ADGRV1: variants seen among roughly 807,000 people sequenced by gnomAD.
ADGRV1 encodes adhesion G protein-coupled receptor V1.
ADGRV1 carries 359 observed loss-of-function variants against 596.2 expected under a neutral mutation model. The observed-to-expected ratio is 0.60, with a 90% confidence interval of 0.55 to 0.66. The LOEUF is 0.66. ADGRV1 is among the 30% of genes least tolerant of loss of function. The pLI, the probability that ADGRV1 is intolerant of heterozygous loss-of-function variation, is 0.00. For synonymous variants in ADGRV1, 2,681 were observed against 2,679.2 expected, an observed-to-expected ratio of 1.00 and a Z score of -0.02; for missense variants, 7,274 against 7,575.6, an observed-to-expected ratio of 0.96 and a Z score of 1.48.
chr5:90,616,736 C>G (rs1763416020), intron 2 of ADGRV1, among the ~76,000 whole-genome samples: 1 of 152,154 alleles, frequency 6.6e-6, no homozygotes, highest in African/African-American at 2.4e-5. Context: ...AAACATTAAT[C>G]TTTTCTTTGT....
intron 1 of ADGRV1, among the ~76,000 whole-genome samples, chr5:90,595,611 G>A (rs1249866839): frequency 7.7e-6 from 1 of 130,574 alleles, no homozygotes; most frequent in East Asian, 2.4e-4. Context: ...CCGGGCGGGG[G>A]GCTGACCCCC....
rs1162525847 is a variant in ADGRV1, at chr5:90,753,647, C to T, written c.11195C>T (p.Ser3732Leu). ...CTTGCTGATAATATACCAGAGTTATCAGAGGTTGTGATTGTAACCCTCACC... is the reference window on the plus strand; with the variant it reads ...CTTGCTGATAATATACCAGAGTTATTAGAGGTTGTGATTGTAACCCTCACC... Reference protein sequence around the residue: ...TILADNIPELSEVVIVTLTRI... With the variant: ...TILADNIPELLEVVIVTLTRI... The change falls in exon 54 of 90, where the codon TCA (serine) becomes TTA (leucine). Residue 3732 changes from serine (S) to leucine (L), a missense_variant. Ser to Leu is a moderately radical substitution (Grantham distance 145). This residue lies in a region of ADGRV1 where 3,643 missense variants were observed against 3,809.2 expected (regional missense o/e 0.96). Coordinates refer to ENST00000405460, the MANE Select transcript of ADGRV1 (RefSeq NM_032119.4). 4 of 1,613,388 alleles carry T rather than the reference C, an allele frequency of 2.5e-6. No homozygotes were observed. Among genetic ancestry groups the T allele is most frequent in the Non-Finnish European group, 3.4e-6 (4 of 1,179,462 alleles).
intron 25 of ADGRV1, among the ~76,000 whole-genome samples, chr5:90,678,749 A>G (rs1194012245): frequency 6.6e-6 from 1 of 151,458 alleles, no homozygotes; most frequent in Non-Finnish European, 1.5e-5. Context: ...TCCCAGGATA[A>G]CAACATTAAT....
intron 83 of ADGRV1, among the ~76,000 whole-genome samples, chr5:90,923,594 A>G (rs944919215): frequency 6.6e-6 from 1 of 152,184 alleles, no homozygotes; most frequent in African/African-American, 2.4e-5. Flanking sequence ...AAGCTGCAAT[A>G]TAGAACAGTC....
intron 82 of ADGRV1, among the ~76,000 whole-genome samples, chr5:90,856,175 G>A (rs1370418230): frequency 2.0e-5 from 3 of 152,158 alleles, no homozygotes; most frequent in African/African-American, 7.2e-5. Context: ...AATAGGTAAG[G>A]AAAGGCTATA....
At chr5:90,819,738 C>T (rs1233785084) in intron 75 of ADGRV1, among the ~76,000 whole-genome samples, 1 of 151,944 alleles carries the variant, frequency 6.6e-6, no homozygotes, top group East Asian at 1.9e-4. Context: ...GAGTGAGATT[C>T]TTAATCCTGA....
rs570540404 is a variant in ADGRV1 at position 90,841,905 on chromosome 5, A to C, written c.17019+920A>C. On this transcript the variant is annotated intron_variant, in intron 78 of 89. Transcript: ENST00000405460. ...TATAAAGTACAGAGGTAAAAAGAGC[A>C]GGCCATGGCAAACATCTTATAAAGC... Among the ~76,000 whole-genome samples, 8 of 152,340 alleles carry C rather than the reference A, an allele frequency of 5.3e-5. No individual in the cohort carries two copies. In the South Asian group the frequency reaches 1.2e-3, roughly 24 times the overall value.
intron 83 of ADGRV1, among the ~76,000 whole-genome samples, chr5:90,909,332 A>G (rs1772626249): frequency 6.6e-6 from 1 of 152,088 alleles, no homozygotes; most frequent in Admixed American, 6.6e-5. Flanking sequence ...TGTTGCTATT[A>G]TGCCTTGGTG....
intron 74 of ADGRV1, among the ~76,000 whole-genome samples, chr5:90,813,863 GA>G (rs777979377): frequency 1.3e-5 from 2 of 151,956 alleles, no homozygotes; most frequent in African/African-American, 2.4e-5. Flanking sequence ...GTAAGTCAGG[GA>G]AAAAATAGTT....
chr5:90,737,394 G>T (rs1753381037), intron 50 of ADGRV1, among the ~76,000 whole-genome samples: 1 of 151,930 alleles, frequency 6.6e-6, no homozygotes, highest in Non-Finnish European at 1.5e-5. Context: ...TGAGAAGAAA[G>T]TGTATTCTAT....
intron 89 of ADGRV1, among the ~76,000 whole-genome samples, chr5:91,158,861 A>G (rs1016522226): frequency 5.3e-5 from 8 of 150,610 alleles, no homozygotes; most frequent in African/African-American, 2.0e-4. Flanking sequence ...GGATGGATGG[A>G]TGGATGGATG....
At chr5:91,126,722 C>T (rs577954972) in intron 87 of ADGRV1, among the ~76,000 whole-genome samples, 1 of 152,168 alleles carries the variant, frequency 6.6e-6, no homozygotes, top group South Asian at 2.1e-4. Context: ...GGAAGGGTTC[C>T]AAGTTATGAC....
chr5:90,828,993 C>T lies in ADGRV1; in HGVS notation c.16418C>T (p.Ala5473Val). ...TTTGTGGAACTATATGAAGCTACTG[C>T]TGGAGCAGCAATAAACAACAGTGCC... is the stretch of plus-strand genomic sequence containing the variant. ...YFFVELYEATAGAAINNSARF... is the reference protein window; with the variant it reads ...YFFVELYEATVGAAINNSARF... Residue 5473 changes from alanine to valine, a missense_variant, in exon 77 of 90, where the codon GCT becomes GTT. Coordinates refer to ENST00000405460, the MANE Select transcript of ADGRV1 (RefSeq NM_032119.4). The T allele has an allele frequency of 1.2e-6, 2 of 1,605,702 alleles. No individual in the cohort carries two copies. Among genetic ancestry groups the T allele is most frequent in the Non-Finnish European group, 1.7e-6 (2 of 1,174,814 alleles).
chr5:90,930,956 G>A (rs961850918), intron 83 of ADGRV1, among the ~76,000 whole-genome samples: 1 of 152,190 alleles, frequency 6.6e-6, no homozygotes, highest in African/African-American at 2.4e-5. Flanking sequence ...TGTTGCATCA[G>A]TGATAAGAAA....
intron 85 of ADGRV1, among the ~76,000 whole-genome samples, chr5:90,996,993 A>G (rs1200410685): frequency 1.3e-5 from 2 of 152,178 alleles, no homozygotes; most frequent in Non-Finnish European, 2.9e-5. Flanking sequence ...CTTGGAAGTA[A>G]CTAACTTGTT....
chr5:90,931,719 G>T (rs3105790), intron 83 of ADGRV1, among the ~76,000 whole-genome samples: 83,026 of 151,956 alleles, frequency 0.55, 23,793 homozygotes, highest in East Asian at 0.98. Context: ...TTTTAATAAT[G>T]GTTAATTCCT....
chr5:90,663,536 C>T (rs898662993), intron 21 of ADGRV1, among the ~76,000 whole-genome samples: 31 of 151,658 alleles, frequency 2.0e-4, no homozygotes, highest in South Asian at 4.2e-4. Flanking sequence ...GAGTAGGTTG[C>T]GAAAATTGTC....
intron 87 of ADGRV1, among the ~76,000 whole-genome samples, chr5:91,139,600 C>T (rs1268571974): frequency 1.3e-5 from 2 of 152,138 alleles, no homozygotes; most frequent in Non-Finnish European, 2.9e-5. Flanking sequence ...GTCTTTTGCT[C>T]TGAATAAGGA....
intron 85 of ADGRV1, among the ~76,000 whole-genome samples, chr5:90,987,699 C>G (rs1413884827): frequency 6.6e-6 from 1 of 151,904 alleles, no homozygotes; most frequent in African/African-American, 2.4e-5. Flanking sequence ...CATGCCATTT[C>G]TCTAGAGGTC....
Sources: gnomAD v4.1 joint callset for allele counts (sites outside exome capture counted in the v4.1 genomes callset) on GRCh38, gnomAD v4.1.1 for gene constraint, gnomAD v4.1.1 regional missense constraint, MANE v1.5 for transcripts, NCBI Gene and HGNC (gene_info 2026-07-23, HGNC 2026-07-21) for gene names.